The following KRT18 variants were observed in gnomAD, a reference collection of about 807,000 sequenced individuals.
KRT18 encodes the protein keratin, type I cytoskeletal 18.
KRT18 carries 8 observed loss-of-function variants against 39.9 expected under a neutral mutation model. That is an observed-to-expected ratio of 0.20 (90% confidence interval 0.12 to 0.36). The LOEUF is 0.36. KRT18 is among the 10% of genes least tolerant of loss of function. The pLI, the probability that KRT18 is intolerant of heterozygous loss-of-function variation, is 1.00. For missense variants in KRT18, 396 were observed against 565.7 expected, an observed-to-expected ratio of 0.70 and a Z score of 3.04; for synonymous variants, 194 against 227.8, an observed-to-expected ratio of 0.85 and a Z score of 1.33.
At chr12:52,950,569 T>C in intron 2 of KRT18, 159 bp downstream of exon 2, 1 of 813,542 alleles carries the variant, frequency 1.2e-6, no homozygotes, top group Non-Finnish European at 2.1e-6. Flanking sequence ...TTCATTTGTA[T>C]AACCCCGTTT....
chr12:52,952,776 C>G lies in KRT18; in HGVS notation c.1227C>G (p.Thr409=), dbSNP rs756269928. 4.3e-6 allele frequency: 7 copies of G among 1,612,092 alleles called. No homozygotes were observed. Among genetic ancestry groups the G allele is most frequent in the Non-Finnish European group, 5.1e-6 (6 of 1,179,090 alleles). The part of the protein sequence containing the change: ...SNSMQTIQKT[T]TRRIVDGKVV... ...CCATGCAAACCATCCAAAAGACCAC[C>G]ACCCGCCGGATAGTGGATGGCAAAG... is the stretch of plus-strand genomic sequence containing the variant. Residue 409 remains threonine (T), a synonymous_variant, in exon 7 of 7, where the codon ACC becomes ACG. Coordinates refer to ENST00000388835, the MANE Select transcript of KRT18 (RefSeq NM_000224.3).
chr12:52,952,038 C>CA, intron 5 of KRT18, 81 bp from the exon 6 acceptor site: 1 of 1,361,630 alleles, frequency 7.3e-7, no homozygotes, highest in Non-Finnish European at 1.0e-6. Context: ...AGCAGGTGCC[C>CA]AAAAAAGTTT....
intron 2 of KRT18, 148 bp from the exon 3 acceptor site, chr12:52,950,602 C>T (rs1942465891): frequency 1.1e-5 from 10 of 874,890 alleles, no homozygotes; most frequent in Non-Finnish European, 1.9e-5. Context: ...CTCCAAGTGC[C>T]AAGAATGGTG....
Position 52,951,648 on chromosome 12 carries a change from G to A in KRT18, c.822+3G>A. 2 of 1,613,670 alleles carry A rather than the reference G, an allele frequency of 1.2e-6. No homozygotes were observed. Among genetic ancestry groups the A allele is most frequent in the African/African-American group, 1.3e-5 (1 of 75,040 alleles). On this transcript the variant is annotated splice_donor_region_variant and intron_variant, in intron 4 of 6. Transcript: ENST00000388835. ...TAGACAAGTACTGGTCTCAGCAGGT[G>A]CGTGAGGGGAGGGGATGGCTGCCAA... is the stretch of plus-strand genomic sequence containing the variant.
chr12:52,949,027 C>T (rs1942405291), upstream of KRT18: 3 of 723,040 alleles, frequency 4.1e-6, no homozygotes, highest in Admixed American at 2.5e-5. Flanking sequence ...GGCTCCGAGC[C>T]GTCCACCTGT....
Position 52,951,832 on chromosome 12 carries a change from C to T in KRT18, c.924C>T (p.Ile308=), listed in dbSNP as rs149270992. The T allele has an allele frequency of 2.7e-5, 43 of 1,607,578 alleles. No homozygotes were observed. The highest frequency in any genetic ancestry group is 6.7e-5 in the East Asian group (3 of 44,894). The change falls in exon 5 of 7, where the codon ATC becomes ATT. Residue 308 remains isoleucine (I), a synonymous_variant. Transcript: ENST00000388835. ...GACGTACAGTCCAGTCCTTGGAGATCGACCTGGACTCCATGAGAAATCTGG... is the reference window on the plus strand; with the variant it reads ...GACGTACAGTCCAGTCCTTGGAGATTGACCTGGACTCCATGAGAAATCTGG... ...ELRRTVQSLE[I]DLDSMRNLKA... is the part of the protein sequence containing the mutation.
rs757469736 is a variant in KRT18 at position 52,952,330 on chromosome 12, G to A, written c.1160G>A (p.Gly387Asp). The A allele has an allele frequency of 8.1e-6, 13 of 1,600,702 alleles. No individual in the cohort carries two copies. The Admixed American group carries it at 1.6e-4, about 19-fold the overall frequency. ...ACCTACCGCCGCCTGCTGGAAGATGGCGAGGACTTTAAGTGAGTGGGGCTC... is the reference window on the plus strand; with the variant it reads ...ACCTACCGCCGCCTGCTGGAAGATGACGAGGACTTTAAGTGAGTGGGGCTC... ...IATYRRLLED[G>D]EDFNLGDALD... Residue 387 changes from glycine (G) to aspartate (D), a missense_variant, in exon 6 of 7, where the codon GGC becomes GAC. Transcript: ENST00000388835.
At chr12:52,951,360 C>T in intron 3 of KRT18, 121 bp from the exon 4 acceptor site, 1 of 1,035,788 alleles carries the variant, frequency 9.7e-7, no homozygotes, top group Non-Finnish European at 1.5e-6. Flanking sequence ...GAGTGCAAGC[C>T]AAGGGGTTCC....
In KRT18 at chr12:52,949,480, A is replaced by G. The variant is rs61136606; in HGVS notation, c.307A>G (p.Thr103Ala). ...SYLDRVRSLE[T>A]ENRRLESKIR... ...CCTGGACAGAGTGAGGAGCCTGGAGACCGAGAACCGGAGGCTGGAGAGCAA... is the reference window on the plus strand; with the variant it reads ...CCTGGACAGAGTGAGGAGCCTGGAGGCCGAGAACCGGAGGCTGGAGAGCAA... The change falls in exon 1 of 7, where the codon ACC (threonine) becomes GCC (alanine). Residue 103 changes from threonine (T) to alanine (A), a missense_variant. Thr to Ala is a moderately conservative substitution (Grantham distance 58, BLOSUM62 0). Coordinates refer to ENST00000388835, the MANE Select transcript of KRT18 (RefSeq NM_000224.3). 6.2e-7 allele frequency: 1 copy of G among 1,613,460 alleles called. No homozygotes were observed. The highest frequency in any genetic ancestry group is 1.7e-5 in the Admixed American group (1 of 60,032).
In KRT18 at chr12:52,950,427, G is replaced by A. The variant is rs749489638; in HGVS notation, c.500+17G>A. The A allele has an allele frequency of 1.9e-6, 3 of 1,579,882 alleles. No homozygotes were observed. In the African/African-American group the frequency reaches 4.0e-5, roughly 21 times the overall value. Reference sequence around the variant, plus strand: ...TAGAGTCAAGTAAGTTTGGGGGCTAGAGAGCTGGGGGTCCAGGGGTGGAGC... The same window carrying A: ...TAGAGTCAAGTAAGTTTGGGGGCTAAAGAGCTGGGGGTCCAGGGGTGGAGC... On this transcript the variant is annotated intron_variant, in intron 2 of 6. Coordinates refer to ENST00000388835, the MANE Select transcript of KRT18 (RefSeq NM_000224.3).
intron 2 of KRT18, 104 bp from the exon 3 acceptor site, chr12:52,950,646 T>G: frequency 8.2e-7 from 1 of 1,220,494 alleles, no homozygotes. Flanking sequence ...CTGACTCAAG[T>G]TGCTGGTTTG....
rs1197102047 is a variant in KRT18 at position 52,952,750 on chromosome 12, T to G, written c.1201T>G (p.Ser401Ala). ...NLGDALDSSN[S>A]MQTIQKTTTR... ...TGGTGATGCCTTGGACAGCAGCAAC[T>G]CCATGCAAACCATCCAAAAGACCAC... Residue 401 changes from serine to alanine, a missense_variant, in exon 7 of 7, where the codon TCC becomes GCC. Physicochemically the swap from Ser to Ala is moderately conservative, Grantham distance 99. Coordinates refer to ENST00000388835, the MANE Select transcript of KRT18 (RefSeq NM_000224.3). 6.2e-7 allele frequency: 1 copy of G among 1,613,022 alleles called. No individual in the cohort carries two copies. The highest frequency in any genetic ancestry group is 8.5e-7 in the Non-Finnish European group (1 of 1,179,972).
chr12:52,948,896 G>T (rs115941399), upstream of KRT18: 2,830 of 430,852 alleles, frequency 6.6e-3, 78 homozygotes, highest in African/African-American at 0.051. Context: ...AACAACACCT[G>T]CTGTCCGTGT....
Position 52,951,610 on chromosome 12 carries a change from A to T in KRT18, c.787A>T (p.Asn263Tyr). Residue 263 changes from asparagine (N) to tyrosine (Y), a missense_variant, in exon 4 of 7, where the codon AAC (asparagine) becomes TAC (tyrosine). Physicochemically the swap from Asn to Tyr is moderately radical, Grantham distance 143. Coordinates refer to ENST00000388835, the MANE Select transcript of KRT18 (RefSeq NM_000224.3). ...RAQYDELARK[N>Y]REELDKYWSQ... is the part of the protein sequence containing the mutation. ...CCAATATGACGAGCTGGCTCGGAAGAACCGAGAGGAGCTAGACAAGTACTG... is the reference window on the plus strand; with the variant it reads ...CCAATATGACGAGCTGGCTCGGAAGTACCGAGAGGAGCTAGACAAGTACTG... The T allele has an allele frequency of 6.2e-7, 1 of 1,614,042 alleles. No individual in the cohort carries two copies. Among genetic ancestry groups the T allele is most frequent in the Non-Finnish European group, 8.5e-7 (1 of 1,180,018 alleles).
upstream of KRT18, chr12:52,948,882 G>T (rs1003682897): frequency 2.4e-6 from 1 of 424,586 alleles, no homozygotes; most frequent in South Asian, 9.6e-5. Context: ...CAGCCTCGAG[G>T]GCCAACAACA....
intron 1 of KRT18, 48 bp downstream of exon 1, chr12:52,949,638 A>G (rs367775109): frequency 7.4e-6 from 11 of 1,489,616 alleles, no homozygotes; most frequent in Admixed American, 1.7e-5. Flanking sequence ...TGACCCTCCA[A>G]TTATACACTC....
rs769132516 is a variant in KRT18 at position 52,951,813 on chromosome 12, C to T, written c.905C>T (p.Thr302Ile). Residue 302 changes from threonine to isoleucine, a missense_variant, in exon 5 of 7, where the codon ACA becomes ATA. Transcript: ENST00000388835. ...AETTLTELRR[T>I]VQSLEIDLDS... ...ACGACGCTCACAGAGCTGAGACGTACAGTCCAGTCCTTGGAGATCGACCTG... is the reference window on the plus strand; with the variant it reads ...ACGACGCTCACAGAGCTGAGACGTATAGTCCAGTCCTTGGAGATCGACCTG... The T allele has an allele frequency of 5.0e-6, 8 of 1,610,300 alleles. No individual in the cohort carries two copies. Among genetic ancestry groups the T allele is most frequent in the Non-Finnish European group, 6.8e-6 (8 of 1,179,984 alleles).
At chr12:52,950,091 G>A in intron 1 of KRT18, 1 of 640,524 alleles carries the variant, frequency 1.6e-6, no homozygotes, top group East Asian at 2.6e-5. Flanking sequence ...AGGCAGGCCA[G>A]CCAGCTAGCC....
intron 1 of KRT18, 170 bp from the exon 2 acceptor site, chr12:52,950,158 G>A: frequency 1.4e-6 from 1 of 729,046 alleles, no homozygotes; most frequent in South Asian, 1.5e-5. Context: ...ATCCAGGAAA[G>A]GAGGGAATGG....
Sources: allele counts gnomAD v4.1 joint callset, GRCh38; gene constraint gnomAD v4.1.1; transcripts MANE v1.5; gene names NCBI Gene and HGNC (gene_info 2026-07-23, HGNC 2026-07-21).